Variants in SLX4IP observed in about 807,000 individuals in gnomAD.
The protein encoded by SLX4IP is SLX4 interacting protein, also known as protein SLX4IP.
A neutral mutation model predicts 32.9 loss-of-function variants in SLX4IP; 34 were observed. The ratio of observed to expected loss-of-function variants is 1.03; its 90% CI spans 0.79 to 1.38. The LOEUF (loss-of-function observed/expected upper bound fraction) is 1.38. SLX4IP is among the 40% of genes most tolerant of loss of function. SLX4IP has a pLI of 0.00. For missense variants in SLX4IP, 444 were observed against 479.0 expected, an observed-to-expected ratio of 0.93 and a Z score of 0.68; for synonymous variants, 172 against 171.7, an observed-to-expected ratio of 1.00 and a Z score of -0.01.
intron 2 of SLX4IP, among the ~76,000 whole-genome samples, chr20:10,533,859 G>A (rs1320457505): frequency 3.4e-5 from 5 of 147,960 alleles, no homozygotes; most frequent in Non-Finnish European, 6.0e-5. Flanking sequence ...GCTTCAAGTG[G>A]TCCTCCTGCC....
At chr20:10,449,015 C>T (rs2183713) in intron 1 of SLX4IP, among the ~76,000 whole-genome samples, 74,569 of 152,028 alleles carry the variant, frequency 0.49, 19,755 homozygotes, top group Non-Finnish European at 0.6. Flanking sequence ...GTGTGTACTC[C>T]TTCCACCATG....
chr20:10,504,107 T>C (rs1208384995), intron 2 of SLX4IP, among the ~76,000 whole-genome samples: 1 of 152,216 alleles, frequency 6.6e-6, no homozygotes, highest in Non-Finnish European at 1.5e-5. Context: ...AAAGCCTAGA[T>C]ATTTTTAAGG....
chr20:10,461,946 T>G (rs1197817767), intron 2 of SLX4IP, among the ~76,000 whole-genome samples: 1 of 152,044 alleles, frequency 6.6e-6, no homozygotes, highest in African/African-American at 2.4e-5. Flanking sequence ...CTCGGCTAAT[T>G]TTTTTTATTT....
rs192875417 is a variant in SLX4IP, at chr20:10,625,848, G to A, written c.*2469G>A. ...TTAAGCATTTTTCTTGCACATGGCTGAAACACCCCTGGCTCTCTTGTTATT... is the reference window on the plus strand; with the variant it reads ...TTAAGCATTTTTCTTGCACATGGCTAAAACACCCCTGGCTCTCTTGTTATT... On this transcript the variant is annotated 3_prime_UTR_variant, in exon 8 of 8. Coordinates refer to ENST00000334534, the MANE Select transcript of SLX4IP (RefSeq NM_001009608.3). 2.3e-4 allele frequency: 35 copies of A among 152,244 alleles called. No individual in the cohort carries two copies. Among genetic ancestry groups the A allele is most frequent in the African/African-American group, 8.2e-4 (34 of 41,540 alleles). The allele number at this position is 152,244 out of a possible 1,614,324, so 9.4% of individuals were successfully genotyped here.
At chr20:10,468,536 G>A (rs1288858372) in intron 2 of SLX4IP, among the ~76,000 whole-genome samples, 1 of 152,116 alleles carries the variant, frequency 6.6e-6, no homozygotes, top group Admixed American at 6.5e-5. Flanking sequence ...TGGAACTGGG[G>A]AACGTGGCCC....
At chr20:10,529,911 A>G (rs983461223) in intron 2 of SLX4IP, among the ~76,000 whole-genome samples, 1 of 152,196 alleles carries the variant, frequency 6.6e-6, no homozygotes, top group Non-Finnish European at 1.5e-5. Context: ...GTCCAAGACC[A>G]TATGCAGTCT....
intron 2 of SLX4IP, among the ~76,000 whole-genome samples, chr20:10,469,163 C>A (rs777727896): frequency 1.3e-5 from 2 of 152,190 alleles, no homozygotes; most frequent in African/African-American, 4.8e-5. Flanking sequence ...GTGCCCAGTA[C>A]CCCCCACTTT....
rs142389161 is a variant in SLX4IP at position 10,560,160 on chromosome 20, C to A, written c.118-540C>A. Among the ~76,000 whole-genome samples the A allele has an allele frequency of 5.7e-3, 871 of 152,340 alleles. 10 individuals carry two copies. The highest frequency in any genetic ancestry group is 0.02 in the African/African-American group (825 of 41,572). On this transcript the variant is annotated intron_variant, in intron 3 of 7. Transcript: ENST00000334534. The stretch of plus-strand genomic sequence containing the variant: ...AACAGTCCCCTAAAACCATGGGGGG[C>A]TGCTTGCTGTTGACTGGGCTGTGGT...
intron 6 of SLX4IP, chr20:10,614,161 G>A: frequency 1.1e-6 from 1 of 946,494 alleles, no homozygotes; most frequent in Non-Finnish European, 1.6e-6. Context: ...TGCACGCCCA[G>A]CACCCAGTAA....
intron 2 of SLX4IP, among the ~76,000 whole-genome samples, chr20:10,474,278 A>G (rs1243686767): frequency 6.6e-6 from 1 of 152,224 alleles, no homozygotes; most frequent in Non-Finnish European, 1.5e-5. Context: ...TGGTCTAACA[A>G]TATTTCAAGT....
At chr20:10,455,948 C>T (rs936958820) in intron 1 of SLX4IP, among the ~76,000 whole-genome samples, 12 of 151,896 alleles carry the variant, frequency 7.9e-5, no homozygotes, top group Non-Finnish European at 1.5e-5. Flanking sequence ...GTTGAGCATC[C>T]CTAATATGAA....
At chr20:10,622,631 A>G (rs1370359866) in intron 7 of SLX4IP, 28 bp from the exon 8 acceptor site, 3 of 1,576,854 alleles carry the variant, frequency 1.9e-6, no homozygotes, top group Non-Finnish European at 2.6e-6. Flanking sequence ...AGCTTTACAA[A>G]CCATAAAATC....
At chr20:10,581,752 C>CA (rs1026679477) in intron 4 of SLX4IP, among the ~76,000 whole-genome samples, 5 of 151,584 alleles carry the variant, frequency 3.3e-5, no homozygotes, top group African/African-American at 7.3e-5. Flanking sequence ...CCCATCTCTA[C>CA]AAAAAAAAAT....
At chr20:10,495,883 G>GT (rs766680181) in intron 2 of SLX4IP, among the ~76,000 whole-genome samples, 379 of 150,686 alleles carry the variant, frequency 2.5e-3, no homozygotes, top group Middle Eastern at 0.014. Context: ...AAATAGCTGG[G>GT]TTTTTTTTTG....
chr20:10,466,228 T>C (rs2065379350), intron 2 of SLX4IP, among the ~76,000 whole-genome samples: 1 of 152,234 alleles, frequency 6.6e-6, no homozygotes. Flanking sequence ...TGAAAAAGTA[T>C]AGAATGTTGC....
At chr20:10,519,245 G>A (rs1033622282) in intron 2 of SLX4IP, among the ~76,000 whole-genome samples, 8 of 152,096 alleles carry the variant, frequency 5.3e-5, no homozygotes, top group Non-Finnish European at 1.0e-4. Context: ...TCCATGTTAA[G>A]TATATAATTC....
At chr20:10,504,538 T>C (rs2065742729) in intron 2 of SLX4IP, among the ~76,000 whole-genome samples, 2 of 152,028 alleles carry the variant, frequency 1.3e-5, no homozygotes, top group Non-Finnish European at 2.9e-5. Flanking sequence ...GTAGAGGAAG[T>C]AGGAGGGTGC....
At chr20:10,596,560 A>G (rs1242759321) in intron 4 of SLX4IP, among the ~76,000 whole-genome samples, 2 of 152,172 alleles carry the variant, frequency 1.3e-5, no homozygotes, top group Non-Finnish European at 2.9e-5. Context: ...AAGATTTTGC[A>G]TAGGAAGAAG....
intron 2 of SLX4IP, among the ~76,000 whole-genome samples, chr20:10,503,488 G>T (rs930818727): frequency 6.6e-6 from 1 of 152,186 alleles, no homozygotes; most frequent in Non-Finnish European, 1.5e-5. Flanking sequence ...GCCATGGGAG[G>T]ATTTGATGTG....
Sources: allele counts gnomAD v4.1 joint callset (sites outside exome capture counted in the v4.1 genomes callset), GRCh38; gene constraint gnomAD v4.1.1; transcripts MANE v1.5; gene names NCBI Gene and HGNC (gene_info 2026-07-23, HGNC 2026-07-21).